OTUD7A: variants seen among roughly 807,000 people sequenced by gnomAD.
The protein encoded by OTUD7A is OTU domain-containing protein 7A.
Under a neutral mutation model 65.7 loss-of-function variants are expected in OTUD7A, and 12 were observed. The observed-to-expected ratio is 0.18, with a 90% CI of 0.12 to 0.30. The LOEUF (loss-of-function observed/expected upper bound fraction) is 0.30. OTUD7A is among the 10% of genes least tolerant of loss of function. The pLI, the probability that OTUD7A is intolerant of heterozygous loss-of-function variation, is 1.00. For synonymous variants in OTUD7A, 641 were observed against 586.3 expected (o/e 1.09, Z -1.35); for missense variants, 1,148 against 1,304.8 (o/e 0.88, Z 1.85).
chr15:31,617,910 T>C (rs957246738), intron 3 of OTUD7A, among the ~76,000 whole-genome samples: 1 of 152,094 alleles, frequency 6.6e-6, no homozygotes, highest in Non-Finnish European at 1.5e-5. Context: ...GCATATCTCC[T>C]AATGCTATCC....
intron 4 of OTUD7A, among the ~76,000 whole-genome samples, chr15:31,566,361 C>T (rs1444838334): frequency 6.6e-6 from 1 of 152,070 alleles, no homozygotes; most frequent in African/African-American, 2.4e-5. Context: ...GGGAAAAACA[C>T]ATATACATAT....
rs772574742 is a variant in OTUD7A, at chr15:31,808,136, C to CACACACAAA, written c.-100+62370_-100+62371insTTTGTGTGT. 3.9e-3 allele frequency among the ~76,000 whole-genome samples: 469 copies of CACACACAAA among 119,484 alleles called. 5 individuals are homozygous for CACACACAAA. The highest frequency in any genetic ancestry group is 0.012 in the African/African-American group (444 of 35,718). The allele number at this position is 119,484 out of a possible 152,430, so 78.4% of individuals were successfully genotyped here. On this transcript the variant is annotated intron_variant, in intron 1 of 12. Transcript: ENST00000307050. ...ACACACACACACACACACACACACA[C>CACACACAAA]AAACAAATCCTCACCAGGTTTTTCC...
Position 31,570,023 on chromosome 15 carries a change from G to T in OTUD7A, c.326C>A (p.Ala109Asp). 6.2e-7 allele frequency: 1 copy of T among 1,613,942 alleles called. No individual in the cohort carries two copies. Among genetic ancestry groups the T allele is most frequent in the Non-Finnish European group, 8.5e-7 (1 of 1,180,040 alleles). Residue 109 changes from alanine (A) to aspartate (D), a missense_variant, in exon 4 of 13, where the codon GCC becomes GAC. By Grantham distance (126) the Ala-to-Asp change is moderately radical. Around this residue, in one of 6 missense-constraint regions of OTUD7A, gnomAD observed 134 missense variants for 252.6 expected, o/e 0.53. Transcript: ENST00000307050. ...RPCLQRQDDI[A>D]QEKRLSRGIS... ...GCTCAGTCCCTCAGCGGTACCTTGG[G>T]CAATGTCGTCCTGCCTCTGCAGGCA...
At chr15:31,688,787 T>G (rs1443989927) in intron 1 of OTUD7A, among the ~76,000 whole-genome samples, 1 of 150,646 alleles carries the variant, frequency 6.6e-6, no homozygotes, top group Non-Finnish European at 1.5e-5. Flanking sequence ...TCTGTTTGTG[T>G]ATAAACAATT....
chr15:31,726,233 A>G (rs1418269698), intron 1 of OTUD7A, among the ~76,000 whole-genome samples: 1 of 152,024 alleles, frequency 6.6e-6, no homozygotes, highest in Non-Finnish European at 1.5e-5. Flanking sequence ...AGCCCTGACT[A>G]ATACCTCTCT....
chr15:31,839,402 C>T (rs1188064118), intron 1 of OTUD7A, among the ~76,000 whole-genome samples: 5 of 152,154 alleles, frequency 3.3e-5, no homozygotes, highest in Admixed American at 6.5e-5. Context: ...ACCTTGAGGG[C>T]CCTTGGACCA....
rs199760336 is a variant in OTUD7A, at chr15:31,592,963, G to A, written c.152-22766C>T. On this transcript the variant is annotated intron_variant, in intron 3 of 12. Coordinates refer to ENST00000307050, the MANE Select transcript of OTUD7A (RefSeq NM_001382637.1). The stretch of plus-strand genomic sequence containing the variant: ...TATATATACACGTGTATATATATAT[G>A]TATATATATATATATAGAAGGCATG... Among the ~76,000 whole-genome samples the A allele has an allele frequency of 1.0e-3, 107 of 106,740 alleles. No individual in the cohort carries two copies. In the East Asian group the frequency reaches 0.023, roughly 23 times the overall value. 70.0% of individuals were successfully genotyped at this position (106,740 alleles called of 152,430 possible).
At chr15:31,639,942 T>C (rs12898638) in intron 3 of OTUD7A, among the ~76,000 whole-genome samples, 43,599 of 152,036 alleles carry the variant, frequency 0.29, 7,381 homozygotes, top group African/African-American at 0.47. Context: ...ATTTGCAGTA[T>C]TTTCTTCCAA....
rs375235396 is a variant in OTUD7A at position 31,671,814 on chromosome 15, T to C, written c.-99-14737A>G. 1.5e-4 allele frequency among the ~76,000 whole-genome samples: 23 copies of C among 152,342 alleles called. No homozygotes were observed. The East Asian group carries it at 4.2e-3, about 28-fold the overall frequency. On this transcript the variant is annotated intron_variant, in intron 1 of 12. Coordinates refer to ENST00000307050, the MANE Select transcript of OTUD7A (RefSeq NM_001382637.1). ...TCGGGGGACATGCACAGGTTTGTGA[T>C]ATACGTAAACTGCATGTCATGGGGG...
intron 1 of OTUD7A, among the ~76,000 whole-genome samples, chr15:31,735,526 T>G (rs1361973475): frequency 8.2e-6 from 1 of 122,034 alleles, no homozygotes; most frequent in Admixed American, 9.0e-5. Context: ...AGAGTGAAAC[T>G]CTGTCTCAAA....
chr15:31,479,817 AAATT>A lies in OTUD7A; in HGVS notation c.*3473_*3476del, dbSNP rs1189873676. On this transcript the variant is annotated 3_prime_UTR_variant, in exon 13 of 13. Coordinates refer to ENST00000307050, the MANE Select transcript of OTUD7A (RefSeq NM_001382637.1). ...TTGACAGTAAGCTACGAGAAGTAGT[AAATT>A]AAATCATTTGGGAAAACATTCGATT... is the stretch of plus-strand genomic sequence containing the variant. The A allele has an allele frequency of 1.3e-5, 2 of 152,222 alleles. No individual in the cohort carries two copies. The highest frequency in any genetic ancestry group is 2.9e-5 in the Non-Finnish European group (2 of 68,032). The allele number at this position is 152,222 out of a possible 1,614,324, so 9.4% of individuals were successfully genotyped here. A position where few individuals can be genotyped will look rare whatever the true frequency, so the allele number is the denominator to read the frequency against.
chr15:31,749,023 C>T (rs1288814021), intron 1 of OTUD7A, among the ~76,000 whole-genome samples: 8 of 151,134 alleles, frequency 5.3e-5, no homozygotes, highest in African/African-American at 1.5e-4. Flanking sequence ...TCATTCTCCG[C>T]AAACTATCGC....
At position 31,797,087 on chromosome 15, in the gene OTUD7A, TAAATC is replaced by T. The variant is rs371300389; in HGVS notation, c.-100+73415_-100+73419del. On this transcript the variant is annotated intron_variant, in intron 1 of 12. Transcript: ENST00000307050. ...CATGGGGGTGCGGGGGGAAGCAAAA[TAAATC>T]AGTTAAGATGTTCCAGGAGCTCCTC... is the stretch of plus-strand genomic sequence containing the variant. Among the ~76,000 whole-genome samples the T allele has an allele frequency of 3.5e-3, 539 of 152,222 alleles. 6 individuals are homozygous for T. Among genetic ancestry groups the T allele is most frequent in the African/African-American group, 0.012 (513 of 41,538 alleles).
intron 1 of OTUD7A, among the ~76,000 whole-genome samples, chr15:31,790,985 G>C (rs1251433408): frequency 1.3e-5 from 2 of 152,122 alleles, no homozygotes; most frequent in African/African-American, 4.8e-5. Context: ...CAAGTCTTGA[G>C]TTTTAGTCCT....
intron 3 of OTUD7A, among the ~76,000 whole-genome samples, chr15:31,633,369 G>A (rs1056834239): frequency 2.0e-4 from 30 of 152,124 alleles, no homozygotes; most frequent in African/African-American, 7.0e-4. Flanking sequence ...TTCTACACTA[G>A]ATATTCATTT....
Position 31,484,017 on chromosome 15 carries a change from GGCGGCGGCGGCA to G in OTUD7A, c.2067_2078del (p.Ala693_Ala696del), listed in dbSNP as rs776982301. On this transcript the variant is annotated inframe_deletion, in exon 13 of 13. Coordinates refer to ENST00000307050, the MANE Select transcript of OTUD7A (RefSeq NM_001382637.1). The surrounding 1 kb of genome is among the most constrained non-coding windows in gnomAD (Gnocchi z 4.5). ...GCGGCCGCTTGGCCGTGGCGGCGGC[GGCGGCGGCGGCA>G]GCGGCGGCCGCAGTAGCGGCGTCGC... 90 of 1,209,774 alleles carry G rather than the reference GGCGGCGGCGGCA, an allele frequency of 7.4e-5. No homozygotes were observed. The highest frequency in any genetic ancestry group is 3.7e-4 in the African/African-American group (23 of 62,732). 74.9% of individuals were successfully genotyped at this position (1,209,774 alleles called of 1,614,324 possible). A position where few individuals can be genotyped will look rare whatever the true frequency, so the allele number is the denominator to read the frequency against.
intron 1 of OTUD7A, chr15:31,768,062 C>T (rs1895135479): frequency 8.7e-6 from 14 of 1,602,186 alleles, no homozygotes; most frequent in Non-Finnish European, 1.2e-5. Flanking sequence ...CCCTGCTTCT[C>T]CTGCTGTGAA....
intron 3 of OTUD7A, among the ~76,000 whole-genome samples, chr15:31,596,024 A>G (rs1017319612): frequency 2.0e-5 from 3 of 151,768 alleles, no homozygotes; most frequent in African/African-American, 7.3e-5. Flanking sequence ...AAAGCCCTTG[A>G]TATTACCTTG....
chr15:31,836,174 C>T (rs1402692677), intron 1 of OTUD7A, among the ~76,000 whole-genome samples: 2 of 151,516 alleles, frequency 1.3e-5, no homozygotes, highest in Admixed American at 6.6e-5. Flanking sequence ...TTTCATAATT[C>T]GCCTCTGATT....
Sources: gnomAD v4.1 joint callset for allele counts (sites outside exome capture counted in the v4.1 genomes callset) on GRCh38, gnomAD v4.1.1 for gene constraint, gnomAD v4.1.1 regional missense constraint, Gnocchi (gnomAD v3.1) non-coding constraint, MANE v1.5 for transcripts, NCBI Gene and HGNC (gene_info 2026-07-23, HGNC 2026-07-21) for gene names.